PPP2R2C: variants seen among roughly 807,000 people sequenced by gnomAD.
PPP2R2C encodes protein phosphatase 2, regulatory subunit B, gamma.
PPP2R2C carries 10 observed loss-of-function variants against 45.3 expected under a neutral mutation model. That is an observed-to-expected ratio of 0.22 (90% confidence interval 0.14 to 0.37). The LOEUF (loss-of-function observed/expected upper bound fraction) is 0.37, where lower values mean the gene tolerates loss of function less well. PPP2R2C is among the 10% of genes least tolerant of loss of function. PPP2R2C has a pLI of 1.00. For missense variants in PPP2R2C, 308 were observed against 619.7 expected, an observed-to-expected ratio of 0.50 and a Z score of 5.34; for synonymous variants, 257 against 245.4, an observed-to-expected ratio of 1.05 and a Z score of -0.44.
intron 1 of PPP2R2C, among the ~76,000 whole-genome samples, chr4:6,465,897 TAAAC>T (rs1721567217): frequency 6.6e-6 from 1 of 152,184 alleles, no homozygotes; most frequent in Non-Finnish European, 1.5e-5. Context: ...GGTTCAATAA[TAAAC>T]AAGGAAGGAC....
chr4:6,463,690 C>T (rs1342660723), intron 1 of PPP2R2C, among the ~76,000 whole-genome samples: 3 of 152,222 alleles, frequency 2.0e-5, no homozygotes, highest in African/African-American at 4.8e-5. Flanking sequence ...TTGCACACAC[C>T]GTTCCTCCTG....
intron 5 of PPP2R2C, chr4:6,350,929 CA>C (rs1712492977): frequency 1.0e-6 from 1 of 985,264 alleles, no homozygotes; most frequent in Admixed American, 6.1e-5. Context: ...GCTACCACTG[CA>C]AAACGTGAGC....
intron 8 of PPP2R2C, among the ~76,000 whole-genome samples, chr4:6,326,196 G>A (rs991518481): frequency 1.3e-5 from 2 of 152,178 alleles, no homozygotes; most frequent in African/African-American, 4.8e-5. Flanking sequence ...GAGGATAATG[G>A]AAAGGGGAAT....
At chr4:6,524,917 C>T (rs1724147657) in intron 2 of PPP2R2C, among the ~76,000 whole-genome samples, 1 of 151,784 alleles carries the variant, frequency 6.6e-6, no homozygotes, top group African/African-American at 2.4e-5. Flanking sequence ...AGCAAGACCC[C>T]ATCTCTACAA....
At chr4:6,358,851 G>T (rs1197378626) in intron 5 of PPP2R2C, among the ~76,000 whole-genome samples, 2 of 152,202 alleles carry the variant, frequency 1.3e-5, no homozygotes, top group Non-Finnish European at 2.9e-5. Flanking sequence ...AACAACAGGT[G>T]CTGGAGAGGA....
intron 8 of PPP2R2C, among the ~76,000 whole-genome samples, chr4:6,327,549 T>C (rs1732047168): frequency 6.6e-6 from 1 of 152,244 alleles, no homozygotes; most frequent in Non-Finnish European, 1.5e-5. Context: ...ATCAGCTTGT[T>C]ACAGCTGCAG....
intron 1 of PPP2R2C, among the ~76,000 whole-genome samples, chr4:6,560,114 T>C (rs1725528052): frequency 6.6e-6 from 1 of 152,200 alleles, no homozygotes; most frequent in Admixed American, 6.5e-5. Context: ...TTGAAGGCTA[T>C]GCAGGCGTTA....
intron 1 of PPP2R2C, among the ~76,000 whole-genome samples, chr4:6,465,170 T>C (rs1721529414): frequency 6.7e-6 from 1 of 148,616 alleles, no homozygotes; most frequent in Non-Finnish European, 1.5e-5. Flanking sequence ...TTATTAATGG[T>C]AAACCTGTAG....
intron 2 of PPP2R2C, among the ~76,000 whole-genome samples, chr4:6,499,083 C>A (rs1023520657): frequency 1.3e-5 from 2 of 152,246 alleles, no homozygotes; most frequent in African/African-American, 4.8e-5. Context: ...GTGCCCAAGG[C>A]AGATTGGGAG....
At position 6,451,118 on chromosome 4, in the gene PPP2R2C, C is replaced by T. The variant is rs115868833; in HGVS notation, c.70+21042G>A. 7.4e-3 allele frequency among the ~76,000 whole-genome samples: 1,120 copies of T among 152,354 alleles called. 7 individuals are homozygous for T. Among genetic ancestry groups the T allele is most frequent in the Non-Finnish European group, 0.011 (781 of 68,036 alleles). Reference sequence around the variant, plus strand: ...GGGCAGCTCAGCCTATTGTCTCTTCCACCCGACACGGTACCATCACTGACC... The same window carrying T: ...GGGCAGCTCAGCCTATTGTCTCTTCTACCCGACACGGTACCATCACTGACC... On this transcript the variant is annotated intron_variant, in intron 1 of 8. Transcript: ENST00000382599.
intron 1 of PPP2R2C, among the ~76,000 whole-genome samples, chr4:6,399,528 G>C (rs1717271304): frequency 6.6e-6 from 1 of 152,224 alleles, no homozygotes; most frequent in African/African-American, 2.4e-5. Context: ...TGAGAAATGA[G>C]TCGTGCCAGG....
chr4:6,398,592 C>T (rs1717212246), intron 1 of PPP2R2C, among the ~76,000 whole-genome samples: 1 of 152,028 alleles, frequency 6.6e-6, no homozygotes, highest in South Asian at 2.1e-4. Flanking sequence ...ATTAAAAAGA[C>T]TAATAATATG....
Position 6,350,849 on chromosome 4 carries a change from G to A in PPP2R2C, c.626-2839C>T, listed in dbSNP as rs141396449. ...GATCGCACCAAAGCCAGCCTGTGAC[G>A]GCCACACTTGCAGCGTGAGTGGGAG... On this transcript the variant is annotated intron_variant, in intron 5 of 8. Coordinates refer to ENST00000382599, the MANE Select transcript of PPP2R2C (RefSeq NM_020416.4). 19 of 985,384 alleles carry A rather than the reference G, an allele frequency of 1.9e-5. No homozygotes were observed. The East Asian group carries it at 5.7e-4, about 29-fold the overall frequency. The allele number at this position is 985,384 out of a possible 1,614,324, so 61.0% of individuals were successfully genotyped here.
intron 2 of PPP2R2C, among the ~76,000 whole-genome samples, chr4:6,517,995 CA>C (rs1723880018): frequency 6.6e-6 from 1 of 152,260 alleles, no homozygotes; most frequent in Admixed American, 6.5e-5. Flanking sequence ...GAAAAAGAAG[CA>C]AAAACCCCAC....
chr4:6,467,916 A>T (rs1721671442), intron 1 of PPP2R2C, among the ~76,000 whole-genome samples: 1 of 152,112 alleles, frequency 6.6e-6, no homozygotes, highest in Non-Finnish European at 1.5e-5. Flanking sequence ...TCCCATCACA[A>T]GAGAGGGACC....
intron 2 of PPP2R2C, among the ~76,000 whole-genome samples, chr4:6,512,566 G>GTGGTGA (rs1218498709): frequency 1.7e-5 from 2 of 115,544 alleles, no homozygotes; most frequent in Admixed American, 1.8e-4. Flanking sequence ...GGTGGTGGTG[G>GTGGTGA]TGGTGATGGT....
chr4:6,542,529 A>C (rs757718918), intron 1 of PPP2R2C, among the ~76,000 whole-genome samples: 9 of 152,040 alleles, frequency 5.9e-5, no homozygotes, highest in Non-Finnish European at 8.8e-5. Context: ...CCCTGTCTCT[A>C]CTAAAAATAC....
intron 1 of PPP2R2C, among the ~76,000 whole-genome samples, chr4:6,552,049 A>T (rs998263278): frequency 6.6e-6 from 1 of 152,224 alleles, no homozygotes; most frequent in African/African-American, 2.4e-5. Flanking sequence ...AGGACCAGCA[A>T]AGACAGCAGG....
At chr4:6,546,532 C>G (rs1377767575) in intron 1 of PPP2R2C, among the ~76,000 whole-genome samples, 1 of 152,194 alleles carries the variant, frequency 6.6e-6, no homozygotes, top group Non-Finnish European at 1.5e-5. Flanking sequence ...GGCCACACAG[C>G]TGGTGAGTGG....
Sources: allele counts gnomAD v4.1 joint callset (sites outside exome capture counted in the v4.1 genomes callset), GRCh38; gene constraint gnomAD v4.1.1; transcripts MANE v1.5; gene names NCBI Gene and HGNC (gene_info 2026-07-23, HGNC 2026-07-21).